Variants in DRC4 observed in about 807,000 individuals in gnomAD.
The protein encoded by DRC4 is GAS-11.
At chr16:90,022,678 G>A in the DRC4 span, 1 of 1,421,642 alleles carries the variant, frequency 7.0e-7, no homozygotes. Flanking sequence ...CCGGGGGCGG[G>A]CGCCCTGGTC....
chr16:90,022,753 T>C, the DRC4 span: 1 of 1,377,556 alleles, frequency 7.3e-7, no homozygotes, highest in Non-Finnish European at 9.4e-7. Flanking sequence ...GGGGCTGGGG[T>C]CCTCGGCAGG....
the DRC4 span, chr16:90,027,684 G>A: frequency 6.2e-7 from 1 of 1,614,094 alleles, no homozygotes; most frequent in African/African-American, 1.3e-5. Flanking sequence ...CACCCCGATT[G>A]TCGATGGGCT....
the DRC4 span, chr16:90,036,674 T>C: frequency 2.6e-6 from 3 of 1,155,866 alleles, no homozygotes; most frequent in Non-Finnish European, 3.8e-6. Flanking sequence ...ACCCCAGCTC[T>C]CCACCCCAAC....
the DRC4 span, among the ~76,000 whole-genome samples, chr16:90,030,444 G>T: frequency 6.6e-6 from 1 of 151,628 alleles, no homozygotes; most frequent in Non-Finnish European, 1.5e-5. Context: ...AGGTCCAAAC[G>T]ATCCTCCTAC....
At chr16:90,020,056 C>G in the DRC4 span, 2 of 682,976 alleles carry the variant, frequency 2.9e-6, no homozygotes, top group African/African-American at 3.5e-5. Context: ...TCAGCGATTG[C>G]CAGCTCCTGG....
the DRC4 span, chr16:90,029,591 G>A: frequency 2.4e-5 from 7 of 290,256 alleles, no homozygotes; most frequent in East Asian, 1.3e-4. Context: ...TCGGGGGTGC[G>A]TGTCTCCCTC....
chr16:90,035,653 C>G, the DRC4 span: 1 of 1,614,130 alleles, frequency 6.2e-7, no homozygotes, highest in East Asian at 2.2e-5. Context: ...AGGAGATCAC[C>G]AGGATGCGGA....
the DRC4 span, chr16:90,037,011 A>G: frequency 1.2e-5 from 7 of 592,868 alleles, no homozygotes; most frequent in Admixed American, 1.6e-4. Context: ...TGAACAAAGT[A>G]TAGTCCTTCA....
the DRC4 span, among the ~76,000 whole-genome samples, chr16:90,033,489 C>T: frequency 1.3e-5 from 2 of 152,088 alleles, no homozygotes; most frequent in Non-Finnish European, 2.9e-5. Context: ...ATAGTTGAAC[C>T]CCATGTCTAA....
the DRC4 span, chr16:90,022,501 G>T: frequency 2.1e-6 from 1 of 475,888 alleles, no homozygotes; most frequent in Non-Finnish European, 3.7e-6. Flanking sequence ...AAAGGCTTCT[G>T]GGCTGCCGGC....
the DRC4 span, among the ~76,000 whole-genome samples, chr16:90,033,945 TG>T: frequency 3.5e-5 from 4 of 113,812 alleles, no homozygotes; most frequent in African/African-American, 1.3e-4. Context: ...AGGAGGAGAC[TG>T]TGGGAGAGGG....
chr16:90,042,237 G>A, the DRC4 span: 7 of 582,216 alleles, frequency 1.2e-5, no homozygotes, highest in Admixed American at 1.1e-4. Flanking sequence ...TGCCTGGCCT[G>A]GACTGTTGCT....
At chr16:90,036,452 C>T in the DRC4 span, 1 of 1,614,094 alleles carries the variant, frequency 6.2e-7, no homozygotes, top group Non-Finnish European at 8.5e-7. Context: ...AAAGACTGAG[C>T]TCCACGAAGT....
the DRC4 span, chr16:90,042,934 T>A: frequency 3.0e-5 from 16 of 529,844 alleles, no homozygotes; most frequent in Non-Finnish European, 4.7e-5. Flanking sequence ...AGACCACAGC[T>A]CTGCCCTGAG....
chr16:90,028,261 T>C, the DRC4 span, among the ~76,000 whole-genome samples: 22 of 142,930 alleles, frequency 1.5e-4, no homozygotes, highest in Non-Finnish European at 3.3e-4. Flanking sequence ...CTCGGCTCAC[T>C]GTGAGCTCCA....
the DRC4 span, chr16:90,022,722 A>G: frequency 2.1e-6 from 3 of 1,415,442 alleles, no homozygotes; most frequent in Non-Finnish European, 2.8e-6. Flanking sequence ...CGCTGGCGTC[A>G]TGGTGAGCAG....
At chr16:90,039,291 C>T in the DRC4 span, among the ~76,000 whole-genome samples, 1 of 152,180 alleles carries the variant, frequency 6.6e-6, no homozygotes, top group Non-Finnish European at 1.5e-5. Flanking sequence ...TGACAGTGTC[C>T]AAGCTGGTGT....
chr16:90,029,047 T>C, the DRC4 span: 2 of 1,232,272 alleles, frequency 1.6e-6, no homozygotes, highest in South Asian at 2.9e-5. Context: ...GATTGAACAC[T>C]GCGTTGTCCC....
chr16:90,022,809 T>G, the DRC4 span: 1 of 1,207,328 alleles, frequency 8.3e-7, no homozygotes, highest in South Asian at 2.2e-5. Context: ...ACGGAGACCC[T>G]GGGAATGGGA....
Sources: allele counts gnomAD v4.1 joint callset (sites outside exome capture counted in the v4.1 genomes callset), GRCh38; gene constraint gnomAD v4.1.1; transcripts MANE v1.5; gene names NCBI Gene and HGNC (gene_info 2026-07-23, HGNC 2026-07-21).